Variants in CACYBP observed in about 807,000 individuals in gnomAD.
CACYBP encodes calcyclin-binding protein.
A neutral mutation model predicts 29.6 loss-of-function variants in CACYBP; 11 were observed. That is an observed-to-expected ratio of 0.37 (90% CI 0.23 to 0.61). The LOEUF (loss-of-function observed/expected upper bound fraction) is 0.61. Ranked by LOEUF, CACYBP falls within the 20% of genes least tolerant of loss-of-function variation. The probability of loss-of-function intolerance (pLI) is 0.65; values close to 1 mark genes in which losing one functional copy is unlikely to be tolerated. For synonymous variants in CACYBP, 73 were observed against 88.3 expected, an observed-to-expected ratio of 0.83 and a Z score of 0.97; for missense variants, 163 against 260.7, an observed-to-expected ratio of 0.63 and a Z score of 2.58.
rs547886766 is a variant in CACYBP, at chr1:175,008,831, G to A, written c.530+125G>A. ...CTGTCAAACTACCTGAAGAGGGCACGTCCAGCAAGTTGCTTTTTAAGGTCT... is the reference window on the plus strand; with the variant it reads ...CTGTCAAACTACCTGAAGAGGGCACATCCAGCAAGTTGCTTTTTAAGGTCT... On this transcript the variant is annotated intron_variant, in intron 5 of 5. Transcript: ENST00000367679. The A allele has an allele frequency of 1.5e-3, 972 of 637,150 alleles. 3 individuals are homozygous for A. Among genetic ancestry groups the A allele is most frequent in the Non-Finnish European group, 2.3e-3 (790 of 350,090 alleles). The allele number at this position is 637,150 out of a possible 1,614,324, so 39.5% of individuals were successfully genotyped here.
At chr1:175,000,620 C>G in intron 1 of CACYBP, 3 of 1,052,160 alleles carry the variant, frequency 2.9e-6, no homozygotes, top group Non-Finnish European at 2.3e-6. Flanking sequence ...AGTGCTAGCA[C>G]TTGAATTCTC....
At chr1:174,999,937 A>G, upstream of CACYBP, 1 of 570,300 alleles carries the variant, frequency 1.8e-6, no homozygotes, top group Non-Finnish European at 3.0e-6. Context: ...GGGTGGGTGG[A>G]GCCAGGCTTG....
chr1:175,011,171 A>G lies in CACYBP; in HGVS notation c.*1092A>G, dbSNP rs1672744458. On this transcript the variant is annotated 3_prime_UTR_variant, in exon 6 of 6. Transcript: ENST00000367679. ...AAAATCCAGAAGGGTAAACTAAACT[A>G]AAGCTACAATTAATATGGGAATTTG... 6.6e-6 allele frequency: 1 copy of G among 151,898 alleles called. No homozygotes were observed. The highest frequency in any genetic ancestry group is 2.4e-5 in the African/African-American group (1 of 41,358). 9.4% of individuals were successfully genotyped at this position (151,898 alleles called of 1,614,324 possible).
chr1:175,000,378 CTT>C, intron 1 of CACYBP, 183 bp downstream of exon 1: 1 of 1,423,514 alleles, frequency 7.0e-7, no homozygotes, highest in Non-Finnish European at 9.2e-7. Context: ...CTCCCCAGCG[CTT>C]CCACTCGACC....
chr1:175,009,823 C>T, intron 5 of CACYBP, 100 bp from the exon 6 acceptor site: 1 of 856,878 alleles, frequency 1.2e-6, no homozygotes, highest in Non-Finnish European at 1.8e-6. Flanking sequence ...ACTCTGTCTT[C>T]CTTCTTATCC....
intron 1 of CACYBP, chr1:175,000,593 T>C: frequency 1.8e-6 from 2 of 1,104,138 alleles, no homozygotes; most frequent in Non-Finnish European, 2.2e-6. Flanking sequence ...TAGAGGGCGG[T>C]TGGAAGGTGA....
At chr1:175,003,689 T>G (rs906995449) in intron 1 of CACYBP, among the ~76,000 whole-genome samples, 2 of 152,036 alleles carry the variant, frequency 1.3e-5, no homozygotes, top group Non-Finnish European at 2.9e-5. Context: ...CAAGCCAGAG[T>G]GTAAAGTTAT....
At chr1:175,000,941 AT>A (rs1332954492) in intron 1 of CACYBP, among the ~76,000 whole-genome samples, 6 of 152,212 alleles carry the variant, frequency 3.9e-5, no homozygotes, top group African/African-American at 1.4e-4. Context: ...TAGTACTTGT[AT>A]TGCTCATTTC....
chr1:175,002,399 G>A (rs1234399309), intron 1 of CACYBP, among the ~76,000 whole-genome samples: 1 of 152,140 alleles, frequency 6.6e-6, no homozygotes, highest in Non-Finnish European at 1.5e-5. Flanking sequence ...CATCTTTAAT[G>A]TTCTTGGTGT....
intron 2 of CACYBP, among the ~76,000 whole-genome samples, chr1:175,005,315 C>T (rs1429494349): frequency 1.3e-5 from 2 of 152,082 alleles, no homozygotes; most frequent in Admixed American, 6.5e-5. Flanking sequence ...ACGTATAACT[C>T]GTAGTATAAC....
At position 175,010,689 on chromosome 1, in the gene CACYBP, CAGTT is replaced by C. The variant is rs371438564; in HGVS notation, c.*615_*618del. The C allele has an allele frequency of 2.0e-4, 31 of 152,156 alleles. No homozygotes were observed. Among genetic ancestry groups the C allele is most frequent in the African/African-American group, 7.5e-4 (31 of 41,516 alleles). The allele number at this position is 152,156 out of a possible 1,614,324, so 9.4% of individuals were successfully genotyped here. On this transcript the variant is annotated 3_prime_UTR_variant, in exon 6 of 6. Coordinates refer to ENST00000367679, the MANE Select transcript of CACYBP (RefSeq NM_014412.3). ...TAATAGACATATCTTTGTATGGTAC[CAGTT>C]AGTTTTGCCGTGGATCAGATGGTTT...
At position 175,011,306 on chromosome 1, in the gene CACYBP, T is replaced by G. The variant is rs1672750033; in HGVS notation, c.*1227T>G. 1 of 152,036 alleles carries G rather than the reference T, an allele frequency of 6.6e-6. No individual in the cohort carries two copies. Among genetic ancestry groups the G allele is most frequent in the South Asian group, 2.1e-4 (1 of 4,832 alleles). The allele number at this position is 152,036 out of a possible 1,614,324, so 9.4% of individuals were successfully genotyped here. On this transcript the variant is annotated 3_prime_UTR_variant, in exon 6 of 6. Coordinates refer to ENST00000367679, the MANE Select transcript of CACYBP (RefSeq NM_014412.3). Reference sequence around the variant, plus strand: ...AATTGGGGTTGACACATGAACAGAATAGCAGACACAATGCATATGAAAGTT... The same window carrying G: ...AATTGGGGTTGACACATGAACAGAAGAGCAGACACAATGCATATGAAAGTT...
At chr1:175,001,250 T>A (rs780216709) in intron 1 of CACYBP, among the ~76,000 whole-genome samples, 1 of 152,188 alleles carries the variant, frequency 6.6e-6, no homozygotes, top group East Asian at 1.9e-4. Context: ...GTTAGTCCTC[T>A]TGAAAGTAGA....
Position 175,006,761 on chromosome 1 carries a change from T to TA in CACYBP, c.254dup (p.Phe86ValfsTer17), listed in dbSNP as rs1192413583. 6.3e-7 allele frequency: 1 copy of TA among 1,594,150 alleles called. No homozygotes were observed. Among genetic ancestry groups the TA allele is most frequent in the Non-Finnish European group, 8.6e-7 (1 of 1,163,192 alleles). ...CGTTGCCAGGATGGGATCAGTCAGA[T>TA]AAGTTTGTGAAAATCTACATTACCT... On this transcript the variant is annotated frameshift_variant, in exon 3 of 6. Transcript: ENST00000367679. LOFTEE classifies it high-confidence loss of function.
intron 4 of CACYBP, 74 bp from the exon 5 acceptor site, chr1:175,008,535 A>G (rs1574110902): frequency 3.8e-6 from 3 of 785,316 alleles, no homozygotes; most frequent in Middle Eastern, 7.4e-4. Context: ...AATTGAATAG[A>G]TAATTGTTTT....
At position 175,009,934 on chromosome 1, in the gene CACYBP, A is replaced by G. The variant is rs1166892364; in HGVS notation, c.542A>G (p.Tyr181Cys). ...KECKEKEKPS[Y>C]DTETDPSEGL... The stretch of plus-strand genomic sequence containing the variant: ...TTTTCTTTTTAAAGGAAGCCCTCCT[A>G]TGACACTGAAACAGATCCTAGTGAG... Residue 181 changes from tyrosine (Y) to cysteine (C), a missense_variant, in exon 6 of 6, where the codon TAT becomes TGT. Coordinates refer to ENST00000367679, the MANE Select transcript of CACYBP (RefSeq NM_014412.3). The G allele has an allele frequency of 9.3e-6, 15 of 1,610,148 alleles. No homozygotes were observed. Among genetic ancestry groups the G allele is most frequent in the Admixed American group, 1.7e-5 (1 of 59,330 alleles).
In CACYBP at chr1:175,009,969, A is replaced by G; in HGVS notation, c.577A>G (p.Asn193Asp). Residue 193 changes from asparagine (N) to aspartate (D), a missense_variant, in exon 6 of 6, where the codon AAT (asparagine) becomes GAT (aspartate). Transcript: ENST00000367679. ...TETDPSEGLMNVLKKIYEDGD... is the reference protein window; with the variant it reads ...TETDPSEGLMDVLKKIYEDGD... ...AACAGATCCTAGTGAGGGATTGATG[A>G]ATGTTCTAAAGAAAATTTATGAAGA... The G allele has an allele frequency of 6.2e-7, 1 of 1,613,312 alleles. No homozygotes were observed. Among genetic ancestry groups the G allele is most frequent in the Non-Finnish European group, 8.5e-7 (1 of 1,179,300 alleles).
intron 5 of CACYBP, 34 bp downstream of exon 5, chr1:175,008,740 G>A (rs1478703297): frequency 1.0e-6 from 1 of 1,000,826 alleles, no homozygotes; most frequent in Admixed American, 1.7e-5. Context: ...AAGAATTTTA[G>A]TGTATTGTTT....
rs141513173 is a variant in CACYBP, at chr1:175,009,888, G to A, written c.531-35G>A. 1.7e-4 allele frequency: 262 copies of A among 1,561,842 alleles called. 1 individual carries two copies. In the Middle Eastern group the frequency reaches 1.9e-3, roughly 11 times the overall value. On this transcript the variant is annotated intron_variant, in intron 5 of 5. Transcript: ENST00000367679. ...AATGATAGTATCTTCCGGTGCTTTCGTTTCCCCATTGTTGTATATGTTTTC... is the reference window on the plus strand; with the variant it reads ...AATGATAGTATCTTCCGGTGCTTTCATTTCCCCATTGTTGTATATGTTTTC...
Sources: gnomAD v4.1 joint callset for allele counts (sites outside exome capture counted in the v4.1 genomes callset) on GRCh38, gnomAD v4.1.1 for gene constraint, MANE v1.5 for transcripts, NCBI Gene and HGNC (gene_info 2026-07-23, HGNC 2026-07-21) for gene names.